LINGO2: variants seen among roughly 807,000 people sequenced by gnomAD.
The protein encoded by LINGO2 is leucine-rich repeat and immunoglobulin-like domain-containing nogo receptor-interacting protein 2.
In LINGO2, 14 loss-of-function variants were observed where a neutral mutation model predicts 30.6. The observed-to-expected ratio is 0.46, with a 90% confidence interval of 0.30 to 0.72. The LOEUF (loss-of-function observed/expected upper bound fraction) is 0.72, where lower values mean the gene tolerates loss of function less well. LINGO2 is among the 30% of genes least tolerant of loss of function. The pLI is 0.07. For missense variants in LINGO2, 729 were observed against 751.7 expected (o/e 0.97, Z 0.35); for synonymous variants, 317 against 288.5 (o/e 1.10, Z -1.00).
chr9:28,813,577 A>G, the LINGO2 span, among the ~76,000 whole-genome samples: 1 of 152,166 alleles, frequency 6.6e-6, no homozygotes, highest in Non-Finnish European at 1.5e-5. Flanking sequence ...ATGAACACGA[A>G]CATCTACTAT....
At chr9:28,239,429 T>G (rs1359560481) in intron 4 of LINGO2, among the ~76,000 whole-genome samples, 1 of 152,122 alleles carries the variant, frequency 6.6e-6, no homozygotes, top group Non-Finnish European at 1.5e-5. Flanking sequence ...ATTAAAAATA[T>G]CATTCATCAT....
At chr9:28,692,977 T>G in the LINGO2 span, among the ~76,000 whole-genome samples, 3 of 152,110 alleles carry the variant, frequency 2.0e-5, no homozygotes, top group African/African-American at 7.2e-5. Context: ...TTAAGGTATT[T>G]AATAATTATT....
rs560736406 is a variant in LINGO2, at chr9:28,025,889, A to G, written c.-86-13484T>C. Among the ~76,000 whole-genome samples, 3 of 152,282 alleles carry G rather than the reference A, an allele frequency of 2.0e-5. No individual in the cohort carries two copies. In the South Asian group the frequency reaches 6.2e-4, roughly 32 times the overall value. ...AATATGGTCTACACATGTAGTGCCA[A>G]AGTAGTAATTTAAAAATGCAAATCT... is the stretch of plus-strand genomic sequence containing the variant. On this transcript the variant is annotated intron_variant, in intron 4 of 5. Transcript: ENST00000379992.
chr9:28,628,660 G>A (rs1826795611), intron 1 of LINGO2, among the ~76,000 whole-genome samples: 1 of 152,062 alleles, frequency 6.6e-6, no homozygotes, highest in South Asian at 2.1e-4. Context: ...GGATGTGTCA[G>A]GGATTGATGT....
At chr9:28,281,526 C>G (rs1823326290) in intron 4 of LINGO2, among the ~76,000 whole-genome samples, 1 of 151,772 alleles carries the variant, frequency 6.6e-6, no homozygotes, top group Admixed American at 6.6e-5. Flanking sequence ...CTATTAGGTA[C>G]TAGGCATTTA....
intron 4 of LINGO2, among the ~76,000 whole-genome samples, chr9:28,267,220 G>A (rs763151426): frequency 2.6e-5 from 4 of 151,874 alleles, no homozygotes; most frequent in Non-Finnish European, 4.4e-5. Flanking sequence ...TTGTGTTGTT[G>A]TTGTTGTTCT....
the LINGO2 span, among the ~76,000 whole-genome samples, chr9:29,139,133 A>G: frequency 1.3e-5 from 2 of 152,310 alleles, no homozygotes; most frequent in Non-Finnish European, 2.9e-5. Context: ...TCCAGCCAAC[A>G]TCAAGAAAGA....
At chr9:28,214,537 C>T (rs1275540042) in intron 4 of LINGO2, among the ~76,000 whole-genome samples, 2 of 151,484 alleles carry the variant, frequency 1.3e-5, no homozygotes, top group Admixed American at 6.6e-5. Flanking sequence ...ATATGAATGA[C>T]AATACAAAGA....
the LINGO2 span, among the ~76,000 whole-genome samples, chr9:28,813,008 A>G: frequency 6.6e-6 from 1 of 151,954 alleles, no homozygotes; most frequent in Non-Finnish European, 1.5e-5. Flanking sequence ...ATAAAGTAGT[A>G]TAAACAGAGT....
chr9:28,264,331 AT>A (rs1353958059), intron 4 of LINGO2, among the ~76,000 whole-genome samples: 2 of 151,996 alleles, frequency 1.3e-5, no homozygotes, highest in Non-Finnish European at 2.9e-5. Context: ...TGATCTGTCT[AT>A]TCTAATTAGG....
At chr9:28,665,466 G>C (rs569628744) in intron 1 of LINGO2, among the ~76,000 whole-genome samples, 4 of 152,130 alleles carry the variant, frequency 2.6e-5, no homozygotes, top group South Asian at 4.2e-4. Flanking sequence ...TAAATGAGTT[G>C]CCCTAAAAAA....
the LINGO2 span, among the ~76,000 whole-genome samples, chr9:29,058,381 T>C: frequency 2.6e-5 from 4 of 151,604 alleles, no homozygotes; most frequent in South Asian, 2.1e-4. Context: ...AGGTAGACAA[T>C]AGAAGATATC....
At chr9:28,896,334 T>TA in the LINGO2 span, among the ~76,000 whole-genome samples, 1 of 152,170 alleles carries the variant, frequency 6.6e-6, no homozygotes, top group East Asian at 1.9e-4. Context: ...ACCCATTTGG[T>TA]ACATGCGGCT....
At chr9:28,865,708 C>T in the LINGO2 span, among the ~76,000 whole-genome samples, 4 of 152,030 alleles carry the variant, frequency 2.6e-5, no homozygotes, top group Admixed American at 6.6e-5. Context: ...GTCTTTAACC[C>T]GGGAGGCAGA....
At chr9:28,820,562 T>A in the LINGO2 span, among the ~76,000 whole-genome samples, 7 of 152,214 alleles carry the variant, frequency 4.6e-5, no homozygotes, top group African/African-American at 1.7e-4. Context: ...ATTATATATG[T>A]CCAGAGCACA....
At chr9:28,858,083 G>A in the LINGO2 span, among the ~76,000 whole-genome samples, 6,546 of 152,014 alleles carry the variant, frequency 0.043, 216 homozygotes, top group Admixed American at 0.084. Context: ...TCAGGACTGA[G>A]CTCCAGCTTG....
At chr9:28,782,235 T>C in the LINGO2 span, among the ~76,000 whole-genome samples, 2 of 152,136 alleles carry the variant, frequency 1.3e-5, no homozygotes, top group Admixed American at 1.3e-4. Flanking sequence ...AGTTCAATTG[T>C]AAAAATAAAT....
chr9:28,925,174 A>T, the LINGO2 span, among the ~76,000 whole-genome samples: 2 of 152,196 alleles, frequency 1.3e-5, no homozygotes, highest in Non-Finnish European at 2.9e-5. Context: ...TAAAATTTAA[A>T]CGCTTTTTAA....
intron 2 of LINGO2, among the ~76,000 whole-genome samples, chr9:28,475,391 T>G (rs907183582): frequency 6.6e-6 from 1 of 152,106 alleles, no homozygotes; most frequent in Non-Finnish European, 1.5e-5. Flanking sequence ...AATAACTGTC[T>G]CAGGGAGCAG....
Sources: gnomAD v4.1 joint callset for allele counts (sites outside exome capture counted in the v4.1 genomes callset) on GRCh38, gnomAD v4.1.1 for gene constraint, MANE v1.5 for transcripts, NCBI Gene and HGNC (gene_info 2026-07-23, HGNC 2026-07-21) for gene names.